SASH1: variants seen among roughly 807,000 people sequenced by gnomAD.
The protein encoded by SASH1 is SAM and SH3 domain-containing protein 1.
SASH1 carries 44 observed loss-of-function variants against 125.2 expected under a neutral mutation model. That is an observed-to-expected ratio of 0.35 (90% confidence interval 0.28 to 0.45). The LOEUF (loss-of-function observed/expected upper bound fraction) is 0.45, where lower values mean the gene tolerates loss of function less well. Ranked by LOEUF, SASH1 falls within the 20% of genes least tolerant of loss-of-function variation. The pLI, the probability that SASH1 is intolerant of heterozygous loss-of-function variation, is 1.00. For missense variants in SASH1, 1,426 were observed against 1,614.5 expected (o/e 0.88, Z 2.00); for synonymous variants, 639 against 649.1 (o/e 0.98, Z 0.24).
intron 1 of SASH1, among the ~76,000 whole-genome samples, chr6:148,364,156 C>A (rs548366869): frequency 6.6e-6 from 1 of 152,170 alleles, no homozygotes; most frequent in East Asian, 1.9e-4. Flanking sequence ...TCCAGCTCCA[C>A]GTCAATGACT....
chr6:148,291,247 A>C (rs1291040189), intron 1 of SASH1, among the ~76,000 whole-genome samples: 1 of 152,264 alleles, frequency 6.6e-6, no homozygotes, highest in East Asian at 1.9e-4. Context: ...GAAATGATAA[A>C]GATTTGAGGT....
chr6:148,236,170 A>C, the SASH1 span, among the ~76,000 whole-genome samples: 1 of 152,158 alleles, frequency 6.6e-6, no homozygotes. Flanking sequence ...AACAGGAAGG[A>C]ACACAGACTA....
At chr6:148,530,063 C>G (rs1426572957) in intron 12 of SASH1, among the ~76,000 whole-genome samples, 1 of 152,076 alleles carries the variant, frequency 6.6e-6, no homozygotes, top group Non-Finnish European at 1.5e-5. Flanking sequence ...CCTCAGCCTC[C>G]CAGAGTGCTG....
chr6:148,458,572 A>G (rs544157956), intron 4 of SASH1, among the ~76,000 whole-genome samples: 1 of 152,236 alleles, frequency 6.6e-6, no homozygotes, highest in African/African-American at 2.4e-5. Context: ...ATCCAGTGGC[A>G]TAGAGCTTTA....
chr6:148,285,922 G>A, intron 1 of SASH1, among the ~76,000 whole-genome samples: 1 of 149,118 alleles, frequency 6.7e-6, no homozygotes, highest in Non-Finnish European at 1.5e-5. Flanking sequence ...GAAATTAAAG[G>A]AATTATAAGC....
At chr6:148,528,306 C>T (rs1781312343) in intron 12 of SASH1, among the ~76,000 whole-genome samples, 3 of 152,172 alleles carry the variant, frequency 2.0e-5, no homozygotes, top group Non-Finnish European at 4.4e-5. Context: ...TTTCAAGACA[C>T]TCTCCTCCAG....
At chr6:148,234,857 G>T in the SASH1 span, among the ~76,000 whole-genome samples, 1 of 151,636 alleles carries the variant, frequency 6.6e-6, no homozygotes, top group Non-Finnish European at 1.5e-5. Context: ...GGAGGAGGAG[G>T]AACTGAAAGC....
At chr6:148,364,929 C>G (rs570478715) in intron 1 of SASH1, among the ~76,000 whole-genome samples, 1 of 152,204 alleles carries the variant, frequency 6.6e-6, no homozygotes, top group South Asian at 2.1e-4. Flanking sequence ...GGGAGACCAG[C>G]CTGGCCAACA....
intron 1 of SASH1, among the ~76,000 whole-genome samples, chr6:148,319,683 T>C (rs1275914736): frequency 6.6e-6 from 1 of 152,110 alleles, no homozygotes; most frequent in Admixed American, 6.5e-5. Context: ...CCCAACTAAT[T>C]TTGTATTTTT....
chr6:148,436,641 C>G (rs1157589284), intron 2 of SASH1, among the ~76,000 whole-genome samples: 2 of 152,232 alleles, frequency 1.3e-5, no homozygotes. Context: ...CCCGTGCAGC[C>G]CTAGCATCAG....
chr6:148,257,777 C>T, the SASH1 span, among the ~76,000 whole-genome samples: 4 of 151,964 alleles, frequency 2.6e-5, no homozygotes, highest in Non-Finnish European at 4.4e-5. Context: ...ACTACAGGCA[C>T]GTGCCACCAC....
chr6:148,252,835 A>G, the SASH1 span, among the ~76,000 whole-genome samples: 230 of 152,246 alleles, frequency 1.5e-3, 2 homozygotes, highest in African/African-American at 5.1e-3. Context: ...GACCTAACAC[A>G]TCAACCCTAT....
At chr6:148,492,022 A>G (rs1356204501) in intron 8 of SASH1, among the ~76,000 whole-genome samples, 1 of 152,178 alleles carries the variant, frequency 6.6e-6, no homozygotes, top group African/African-American at 2.4e-5. Context: ...TTCAAACCCA[A>G]CTTGGGGGAG....
At chr6:148,276,359 T>C (rs1280909476) in intron 1 of SASH1, among the ~76,000 whole-genome samples, 1 of 152,296 alleles carries the variant, frequency 6.6e-6, no homozygotes, top group Middle Eastern at 3.4e-3. Flanking sequence ...GTCTCTTCTG[T>C]CCAGCCTTGG....
chr6:148,529,243 G>T lies in SASH1; in HGVS notation c.1428+1647G>T, dbSNP rs1219083479. Among the ~76,000 whole-genome samples, 1 of 152,170 alleles carries T rather than the reference G, an allele frequency of 6.6e-6. No homozygotes were observed. Among genetic ancestry groups the T allele is most frequent in the African/African-American group, 2.4e-5 (1 of 41,440 alleles). On this transcript the variant is annotated intron_variant, in intron 12 of 19. Coordinates refer to ENST00000367467, the MANE Select transcript of SASH1 (RefSeq NM_015278.5). This position sits in a 1 kb window ranked among gnomAD's most constrained non-coding sequence, Gnocchi z 4.2. ...GAGAATGCTGATCTAGAGGATAGAGGCCAGGGACGCTGCCAAACATCTTAG... is the reference window on the plus strand; with the variant it reads ...GAGAATGCTGATCTAGAGGATAGAGTCCAGGGACGCTGCCAAACATCTTAG...
chr6:148,254,076 G>T, the SASH1 span, among the ~76,000 whole-genome samples: 1 of 151,008 alleles, frequency 6.6e-6, no homozygotes, highest in African/African-American at 2.4e-5. Flanking sequence ...CATTGGTGGC[G>T]TGCACCTGTA....
chr6:148,297,489 AT>A (rs1337929005), intron 1 of SASH1, among the ~76,000 whole-genome samples: 1 of 152,214 alleles, frequency 6.6e-6, no homozygotes, highest in African/African-American at 2.4e-5. Context: ...AATAATGAAT[AT>A]TTTTTAACAT....
chr6:148,314,490 A>G (rs551125828), intron 1 of SASH1, among the ~76,000 whole-genome samples: 1 of 152,310 alleles, frequency 6.6e-6, no homozygotes, highest in South Asian at 2.1e-4. Flanking sequence ...GTAATGAGGA[A>G]TTTACTGAGC....
intron 8 of SASH1, among the ~76,000 whole-genome samples, chr6:148,508,162 C>G (rs537333149): frequency 7.1e-4 from 108 of 152,280 alleles, no homozygotes; most frequent in Non-Finnish European, 6.9e-4. Context: ...AAATATCCTA[C>G]ATTTACCCTG....
Sources: gnomAD v4.1 joint callset for allele counts (sites outside exome capture counted in the v4.1 genomes callset) on GRCh38, gnomAD v4.1.1 for gene constraint, Gnocchi (gnomAD v3.1) non-coding constraint, MANE v1.5 for transcripts, NCBI Gene and HGNC (gene_info 2026-07-23, HGNC 2026-07-21) for gene names.